PRKAG2: variants seen among roughly 807,000 people sequenced by gnomAD.
The protein encoded by PRKAG2 is protein kinase AMP-activated non-catalytic subunit gamma 2.
PRKAG2 carries 26 observed loss-of-function variants against 69.6 expected under a neutral mutation model. That is an observed-to-expected ratio of 0.37 (90% CI 0.27 to 0.52). The LOEUF is 0.52. Ranked by LOEUF, PRKAG2 falls within the 20% of genes least tolerant of loss-of-function variation. The pLI, the probability that PRKAG2 is intolerant of heterozygous loss-of-function variation, is 0.90. For synonymous variants in PRKAG2, 293 were observed against 285.0 expected, an observed-to-expected ratio of 1.03 and a Z score of -0.28; for missense variants, 557 against 740.0, an observed-to-expected ratio of 0.75 and a Z score of 2.87.
chr7:151,675,736 G>A, intron 3 of PRKAG2, 99 bp from the exon 4 acceptor site: 1 of 1,197,880 alleles, frequency 8.3e-7, no homozygotes, highest in Non-Finnish European at 1.2e-6. Context: ...GATGGGGAGA[G>A]GTCAGAGGTC....
At chr7:151,862,068 G>T (rs531548236) in intron 1 of PRKAG2, among the ~76,000 whole-genome samples, 4 of 152,148 alleles carry the variant, frequency 2.6e-5, no homozygotes, top group Admixed American at 2.6e-4. Flanking sequence ...CCCTGAAGGG[G>T]ATGAGGCCCG....
intron 5 of PRKAG2, among the ~76,000 whole-genome samples, chr7:151,620,500 T>C (rs558338514): frequency 1.3e-5 from 2 of 151,848 alleles, no homozygotes; most frequent in African/African-American, 4.8e-5. Context: ...TTTTTTGAGA[T>C]AAGGTCTCAC....
intron 3 of PRKAG2, among the ~76,000 whole-genome samples, chr7:151,706,839 C>T (rs1393816170): frequency 6.6e-6 from 1 of 152,218 alleles, no homozygotes; most frequent in African/African-American, 2.4e-5. Context: ...CGGTGGTTCC[C>T]CATGCATCTC....
intron 1 of PRKAG2, among the ~76,000 whole-genome samples, chr7:151,813,236 C>G (rs933513085): frequency 2.0e-5 from 3 of 152,154 alleles, no homozygotes; most frequent in Admixed American, 6.5e-5. Flanking sequence ...ATCCCTAGGC[C>G]TCTCCCCATC....
At chr7:151,794,326 A>G (rs2077392362) in intron 1 of PRKAG2, among the ~76,000 whole-genome samples, 1 of 152,182 alleles carries the variant, frequency 6.6e-6, no homozygotes, top group African/African-American at 2.4e-5. Context: ...TGCCCAGGAG[A>G]CCTCGACCCT....
rs533087813 is a variant in PRKAG2, at chr7:151,788,299, AG to A, written c.115-1759del. On this transcript the variant is annotated intron_variant, in intron 1 of 15. Transcript: ENST00000287878. This position sits in a 1 kb window ranked among gnomAD's most constrained non-coding sequence, Gnocchi z 4.6. ...TTTGTTTTCTGTGACAGCCATCTTA[AG>A]TGGGCGTGAGCTGGTATCTCATTGT... is the stretch of plus-strand genomic sequence containing the variant. Among the ~76,000 whole-genome samples the A allele has an allele frequency of 8.5e-5, 13 of 152,346 alleles. No homozygotes were observed. In the South Asian group the frequency reaches 1.2e-3, roughly 15 times the overall value.
chr7:151,759,223 G>A (rs536955516), intron 3 of PRKAG2, among the ~76,000 whole-genome samples: 4 of 152,184 alleles, frequency 2.6e-5, no homozygotes, highest in South Asian at 2.1e-4. Context: ...GGGCCCCTCC[G>A]CCAGGCGTGC....
Position 151,632,166 on chromosome 7 carries a change from A to G in PRKAG2, c.685-28T>C, listed in dbSNP as rs1824706818. The G allele has an allele frequency of 1.5e-6, 2 of 1,344,252 alleles. No individual in the cohort carries two copies. Among genetic ancestry groups the G allele is most frequent in the Non-Finnish European group, 1.9e-6 (2 of 1,035,746 alleles). The allele number at this position is 1,344,252 out of a possible 1,614,324, so 83.3% of individuals were successfully genotyped here. A position where few individuals can be genotyped will look rare whatever the true frequency, so the allele number is the denominator to read the frequency against. On this transcript the variant is annotated intron_variant, in intron 4 of 15. Coordinates refer to ENST00000287878, the MANE Select transcript of PRKAG2 (RefSeq NM_016203.4). This position sits in a 1 kb window ranked among gnomAD's most constrained non-coding sequence, Gnocchi z 4.2. The stretch of plus-strand genomic sequence containing the variant: ...GAGGGGGAGGAGGAGGACAGCGATC[A>G]GCATGAGCTGCGACGCTCGTCCCCG...
chr7:151,797,559 A>G lies in PRKAG2; in HGVS notation c.115-11018T>C, dbSNP rs541219089. On this transcript the variant is annotated intron_variant, in intron 1 of 15. Coordinates refer to ENST00000287878, the MANE Select transcript of PRKAG2 (RefSeq NM_016203.4). Reference sequence around the variant, plus strand: ...GCCACCTCAGTGCTTCCAGAATCTCAACTGTCCATATTTACAGAGCCATAC... The same window carrying G: ...GCCACCTCAGTGCTTCCAGAATCTCGACTGTCCATATTTACAGAGCCATAC... Among the ~76,000 whole-genome samples the G allele has an allele frequency of 5.9e-5, 9 of 152,226 alleles. No individual in the cohort carries two copies. The East Asian group carries it at 1.7e-3, about 29-fold the overall frequency.
rs571484038 is a variant in PRKAG2, at chr7:151,777,543, C to G, written c.466+3609G>C. ...CTCCCCCCTCTCTCTTGCTCCCTTGCGTGTGAGCTCTGCATACCCCGGCTT... is the reference window on the plus strand; with the variant it reads ...CTCCCCCCTCTCTCTTGCTCCCTTGGGTGTGAGCTCTGCATACCCCGGCTT... On this transcript the variant is annotated intron_variant, in intron 3 of 15. Coordinates refer to ENST00000287878, the MANE Select transcript of PRKAG2 (RefSeq NM_016203.4). This position sits in a 1 kb window ranked among gnomAD's most constrained non-coding sequence, Gnocchi z 4.3. Among the ~76,000 whole-genome samples the G allele has an allele frequency of 1.3e-5, 2 of 152,162 alleles. No homozygotes were observed. Among genetic ancestry groups the G allele is most frequent in the East Asian group, 3.9e-4 (2 of 5,178 alleles).
intron 4 of PRKAG2, among the ~76,000 whole-genome samples, chr7:151,645,794 G>GT (rs1305023593): frequency 6.6e-6 from 1 of 152,086 alleles, no homozygotes; most frequent in Non-Finnish European, 1.5e-5. Context: ...TTCTTCCAAG[G>GT]TTGTGAGGAT....
chr7:151,682,846 AC>A (rs1166762001), intron 3 of PRKAG2, among the ~76,000 whole-genome samples: 1 of 151,848 alleles, frequency 6.6e-6, no homozygotes, highest in Admixed American at 6.6e-5. Context: ...TGGCTCAGAA[AC>A]CCCAGGAAAG....
chr7:151,736,383 CTTTT>C (rs34632609), intron 3 of PRKAG2: 35,414 of 885,704 alleles, frequency 0.04, 270 homozygotes, highest in East Asian at 0.18. Flanking sequence ...CTCTCCAGGG[CTTTT>C]TTTTTTTTTT....
rs571617080 is a variant in PRKAG2 at position 151,638,217 on chromosome 7, C to T, written c.685-6079G>A. Among the ~76,000 whole-genome samples, 3 of 152,290 alleles carry T rather than the reference C, an allele frequency of 2.0e-5. No homozygotes were observed. The highest frequency in any genetic ancestry group is 7.2e-5 in the African/African-American group (3 of 41,566). ...ACATTTCCATTTATATCACATCAGCCAGTCTGAGGTTACTGGACTCTAGTG... is the reference window on the plus strand; with the variant it reads ...ACATTTCCATTTATATCACATCAGCTAGTCTGAGGTTACTGGACTCTAGTG... On this transcript the variant is annotated intron_variant, in intron 4 of 15. Transcript: ENST00000287878. The surrounding 1 kb of genome is among the most constrained non-coding windows in gnomAD (Gnocchi z 4.3).
At chr7:151,809,163 C>A in intron 1 of PRKAG2, 1 of 446,300 alleles carries the variant, frequency 2.2e-6, no homozygotes, top group Non-Finnish European at 4.5e-6. Context: ...TAAATGCCTG[C>A]CTTGGGTCTT....
chr7:151,726,986 C>A (rs142784667), intron 3 of PRKAG2, among the ~76,000 whole-genome samples: 5 of 152,016 alleles, frequency 3.3e-5, no homozygotes, highest in Admixed American at 2.6e-4. Flanking sequence ...GAGGCCAAGG[C>A]GGGCGGATCA....
chr7:151,870,292 G>C (rs1233056191), intron 1 of PRKAG2, among the ~76,000 whole-genome samples: 11 of 152,104 alleles, frequency 7.2e-5, no homozygotes, highest in African/African-American at 1.2e-4. Context: ...AGCCCCAGTA[G>C]GTACAAGAAT....
At chr7:151,642,997 T>C (rs1447449762) in intron 4 of PRKAG2, among the ~76,000 whole-genome samples, 1 of 152,212 alleles carries the variant, frequency 6.6e-6, no homozygotes, top group African/African-American at 2.4e-5. Context: ...GCATAGAAGA[T>C]ATGAAGAAGG....
At chr7:151,580,955 T>G (rs1292821571) in intron 6 of PRKAG2, among the ~76,000 whole-genome samples, 1 of 152,182 alleles carries the variant, frequency 6.6e-6, no homozygotes, top group African/African-American at 2.4e-5. Flanking sequence ...ATAATTGGGA[T>G]GTATGTAATG....
Sources: gnomAD v4.1 joint callset for allele counts (sites outside exome capture counted in the v4.1 genomes callset) on GRCh38, gnomAD v4.1.1 for gene constraint, Gnocchi (gnomAD v3.1) non-coding constraint, MANE v1.5 for transcripts, NCBI Gene and HGNC (gene_info 2026-07-23, HGNC 2026-07-21) for gene names.